Variants in TSPAN5 observed in about 807,000 individuals in gnomAD.
TSPAN5 encodes the protein tetraspanin-5.
TSPAN5 carries 10 observed loss-of-function variants against 37.1 expected under a neutral mutation model. The ratio of observed to expected loss-of-function variants is 0.27; its 90% CI spans 0.17 to 0.46. The LOEUF is 0.46. Ranked by LOEUF, TSPAN5 falls within the 20% of genes least tolerant of loss-of-function variation. The probability of loss-of-function intolerance (pLI) is 1.00; values close to 1 mark genes in which losing one functional copy is unlikely to be tolerated. For synonymous variants in TSPAN5, 110 were observed against 118.9 expected, an observed-to-expected ratio of 0.93 and a Z score of 0.48; for missense variants, 195 against 326.6, an observed-to-expected ratio of 0.60 and a Z score of 3.11.
chr4:98,561,734 A>T (rs1013301312), intron 1 of TSPAN5, among the ~76,000 whole-genome samples: 3 of 152,254 alleles, frequency 2.0e-5, no homozygotes, highest in Non-Finnish European at 4.4e-5. Flanking sequence ...TTCAATAAAC[A>T]TTTAGAAGCA....
intron 1 of TSPAN5, among the ~76,000 whole-genome samples, chr4:98,541,152 T>C (rs1224976048): frequency 6.6e-6 from 1 of 152,102 alleles, no homozygotes; most frequent in Non-Finnish European, 1.5e-5. Flanking sequence ...ATTCCCTCCT[T>C]CTCTAGACAG....
intron 1 of TSPAN5, among the ~76,000 whole-genome samples, chr4:98,534,631 C>T (rs1428234296): frequency 6.6e-6 from 1 of 152,134 alleles, no homozygotes; most frequent in African/African-American, 2.4e-5. Context: ...AAGTCTCCAA[C>T]TATTATTGTG....
At chr4:98,577,041 G>T (rs1046071524) in intron 1 of TSPAN5, among the ~76,000 whole-genome samples, 1 of 152,152 alleles carries the variant, frequency 6.6e-6, no homozygotes, top group Non-Finnish European at 1.5e-5. Flanking sequence ...GATTGCAGGT[G>T]TGAGCCACTG....
chr4:98,535,306 G>C (rs531709641), intron 1 of TSPAN5, among the ~76,000 whole-genome samples: 5 of 152,158 alleles, frequency 3.3e-5, no homozygotes, highest in Non-Finnish European at 7.3e-5. Context: ...AGTTTGGCTG[G>C]ATATGAAATT....
At chr4:98,583,117 G>C (rs370020799) in intron 1 of TSPAN5, among the ~76,000 whole-genome samples, 9 of 152,220 alleles carry the variant, frequency 5.9e-5, no homozygotes, top group African/African-American at 2.2e-4. Flanking sequence ...AGGCAAAGTG[G>C]GTTGGAAGTC....
chr4:98,654,952 T>C (rs1003140369), intron 1 of TSPAN5, among the ~76,000 whole-genome samples: 8 of 152,178 alleles, frequency 5.3e-5, no homozygotes, highest in African/African-American at 1.7e-4. Context: ...GTTCAAGTGA[T>C]TCCCCTGCCT....
intron 7 of TSPAN5, among the ~76,000 whole-genome samples, chr4:98,474,149 TC>T (rs1752645106): frequency 6.6e-6 from 1 of 152,244 alleles, no homozygotes; most frequent in African/African-American, 2.4e-5. Flanking sequence ...GCCTATGTTT[TC>T]TTCTGGAGTT....
chr4:98,519,593 A>C (rs1753809764), intron 1 of TSPAN5, among the ~76,000 whole-genome samples: 1 of 152,240 alleles, frequency 6.6e-6, no homozygotes, highest in Non-Finnish European at 1.5e-5. Context: ...GCAGTCTAAG[A>C]AAACGTCCCA....
intron 2 of TSPAN5, among the ~76,000 whole-genome samples, chr4:98,495,948 C>G (rs2110274298): frequency 6.6e-6 from 1 of 152,224 alleles, no homozygotes; most frequent in East Asian, 1.9e-4. Context: ...GAGAGAGAGA[C>G]AGGCCTATGA....
chr4:98,561,652 G>A (rs1360825295), intron 1 of TSPAN5, among the ~76,000 whole-genome samples: 1 of 152,234 alleles, frequency 6.6e-6, no homozygotes, highest in Admixed American at 6.5e-5. Context: ...TATAAGCAAA[G>A]AAAGGAAGAA....
At chr4:98,571,041 G>A (rs1027568410) in intron 1 of TSPAN5, among the ~76,000 whole-genome samples, 1 of 151,848 alleles carries the variant, frequency 6.6e-6, no homozygotes, top group Admixed American at 6.6e-5. Flanking sequence ...TGTAGTAAAA[G>A]TTACTGTAAC....
intron 1 of TSPAN5, among the ~76,000 whole-genome samples, chr4:98,621,525 G>A (rs778472676): frequency 6.6e-6 from 1 of 151,698 alleles, no homozygotes; most frequent in Admixed American, 6.6e-5. Context: ...CCGCCACCAC[G>A]TCCGGCTAAT....
At chr4:98,600,662 C>A (rs1466759347) in intron 1 of TSPAN5, among the ~76,000 whole-genome samples, 1 of 152,170 alleles carries the variant, frequency 6.6e-6, no homozygotes, top group Non-Finnish European at 1.5e-5. Context: ...CTATCTGTAT[C>A]ACATCTGCTG....
chr4:98,486,938 C>A (rs996966681), intron 2 of TSPAN5, 54 bp from the exon 3 acceptor site: 5 of 1,589,530 alleles, frequency 3.1e-6, no homozygotes, highest in Non-Finnish European at 4.3e-6. Context: ...GTCAGTTTTC[C>A]AACATGTAAA....
chr4:98,473,616 C>T (rs1399721968), intron 7 of TSPAN5, among the ~76,000 whole-genome samples: 1 of 151,934 alleles, frequency 6.6e-6, no homozygotes. Context: ...CCCGCCACCG[C>T]GCCCGGCTAA....
chr4:98,577,565 C>T (rs1438078674), intron 1 of TSPAN5, among the ~76,000 whole-genome samples: 2 of 152,176 alleles, frequency 1.3e-5, no homozygotes, highest in Non-Finnish European at 2.9e-5. Flanking sequence ...TTATTTTGGA[C>T]CTGTACTGTA....
chr4:98,644,955 T>C (rs1757030983), intron 1 of TSPAN5, among the ~76,000 whole-genome samples: 1 of 152,192 alleles, frequency 6.6e-6, no homozygotes, highest in African/African-American at 2.4e-5. Context: ...CCTCTAGGGA[T>C]CCATCCACCT....
At chr4:98,598,291 C>T (rs1413524415) in intron 1 of TSPAN5, among the ~76,000 whole-genome samples, 11 of 141,708 alleles carry the variant, frequency 7.8e-5, no homozygotes, top group Admixed American at 5.6e-4. Flanking sequence ...CGCCCTGCTT[C>T]GGCTCGCGCA....
At chr4:98,600,524 A>G (rs1755860575) in intron 1 of TSPAN5, among the ~76,000 whole-genome samples, 1 of 152,278 alleles carries the variant, frequency 6.6e-6, no homozygotes, top group African/African-American at 2.4e-5. Context: ...CCAGGAGTAG[A>G]CTTCATCTCA....
Sources: allele counts gnomAD v4.1 joint callset (sites outside exome capture counted in the v4.1 genomes callset), GRCh38; gene constraint gnomAD v4.1.1; transcripts MANE v1.5; gene names NCBI Gene and HGNC (gene_info 2026-07-23, HGNC 2026-07-21).